The following GRIP1 variants were observed in gnomAD, a reference collection of about 807,000 sequenced individuals.
The protein encoded by GRIP1 is glutamate receptor interacting protein 1, also known as glutamate receptor-interacting protein 1.
GRIP1 carries 45 observed loss-of-function variants against 129.9 expected under a neutral mutation model. The ratio of observed to expected loss-of-function variants is 0.35; its 90% CI spans 0.27 to 0.44. The LOEUF (loss-of-function observed/expected upper bound fraction) is 0.44. Ranked by LOEUF, GRIP1 falls within the 20% of genes least tolerant of loss-of-function variation. GRIP1 has a pLI of 1.00. For missense variants in GRIP1, 1,196 were observed against 1,396.8 expected, an observed-to-expected ratio of 0.86 and a Z score of 2.29; for synonymous variants, 530 against 520.8, an observed-to-expected ratio of 1.02 and a Z score of -0.24.
At chr12:66,447,457 C>T (rs1330794484) in intron 11 of GRIP1, among the ~76,000 whole-genome samples, 1 of 152,126 alleles carries the variant, frequency 6.6e-6, no homozygotes, top group African/African-American at 2.4e-5. Context: ...ATGTTTCTAC[C>T]CTAAATCATG....
In GRIP1 at chr12:66,760,847, C is replaced by CTTT. The variant is rs758075509; in HGVS notation, c.-420+43203_-420+43205dup. ...AACTTCAAATTCTGTTAGTTAGTATCTTTTTTTTTTTTTTAATTCCCCAAA... is the reference window on the plus strand; with the variant it reads ...AACTTCAAATTCTGTTAGTTAGTATCTTTTTTTTTTTTTTTTTAATTCCCCAAA... On this transcript the variant is annotated intron_variant, in intron 1 of 4. Transcript: ENST00000538373. Among the ~76,000 whole-genome samples the CTTT allele has an allele frequency of 2.1e-5, 3 of 144,174 alleles. No individual in the cohort carries two copies. The South Asian group carries it at 6.7e-4, about 32-fold the overall frequency. 94.6% of individuals were successfully genotyped at this position (144,174 alleles called of 152,430 possible).
intron 4 of GRIP1, among the ~76,000 whole-genome samples, chr12:66,538,364 T>G (rs775437217): frequency 2.6e-5 from 4 of 151,596 alleles, no homozygotes; most frequent in Non-Finnish European, 5.9e-5. Context: ...CATGCCCGAC[T>G]AATCTTTTTT....
chr12:66,491,316 C>T (rs1420022517), intron 7 of GRIP1, among the ~76,000 whole-genome samples: 2 of 152,124 alleles, frequency 1.3e-5, no homozygotes, highest in Non-Finnish European at 2.9e-5. Flanking sequence ...TTTGCAGGGA[C>T]ATGGTTGGAG....
rs151058899 is a variant in GRIP1, at chr12:67,026,779, G to A, written c.58+42271C>T. ...ACTCCTCAGAAGCCCCAGAAAAATG[G>A]TGACCCCTTTCTTTTGAATAATATA... is the stretch of plus-strand genomic sequence containing the variant. On this transcript the variant is annotated intron_variant, in intron 1 of 1. Transcript: ENST00000643019. Among the ~76,000 whole-genome samples, 292 of 152,210 alleles carry A rather than the reference G, an allele frequency of 1.9e-3. 2 individuals are homozygous for A. The highest frequency in any genetic ancestry group is 6.3e-3 in the African/African-American group (263 of 41,528).
chr12:66,462,068 TA>T (rs2059152260), intron 9 of GRIP1, among the ~76,000 whole-genome samples: 1 of 152,204 alleles, frequency 6.6e-6, no homozygotes, highest in East Asian at 1.9e-4. Context: ...GTAGATGGTA[TA>T]AACACCCAGC....
At chr12:66,490,270 C>T (rs2060069997) in intron 7 of GRIP1, among the ~76,000 whole-genome samples, 1 of 152,106 alleles carries the variant, frequency 6.6e-6, no homozygotes, top group Admixed American at 6.5e-5. Flanking sequence ...GGTACTGGTA[C>T]AAAAACAGAC....
intron 1 of GRIP1, among the ~76,000 whole-genome samples, chr12:66,712,152 G>A (rs1319245161): frequency 5.9e-5 from 9 of 151,840 alleles, no homozygotes; most frequent in Admixed American, 5.9e-4. Flanking sequence ...CAAGAAGTTT[G>A]AATTCTGATC....
chr12:66,395,643 A>G (rs1323609088), intron 16 of GRIP1, among the ~76,000 whole-genome samples: 1 of 152,182 alleles, frequency 6.6e-6, no homozygotes, highest in Admixed American at 6.6e-5. Context: ...GAATGCAGCC[A>G]TTACCTCCAC....
intron 1 of GRIP1, among the ~76,000 whole-genome samples, chr12:66,645,142 T>C (rs2032254798): frequency 2.0e-5 from 3 of 152,346 alleles, no homozygotes; most frequent in Admixed American, 6.5e-5. Context: ...ATGAAAAATA[T>C]TGAAATACTG....
chr12:66,523,179 C>G (rs1443413537), intron 5 of GRIP1, among the ~76,000 whole-genome samples: 1 of 151,162 alleles, frequency 6.6e-6, no homozygotes, highest in Non-Finnish European at 1.5e-5. Flanking sequence ...ATACAGAGAA[C>G]ACCACAAAGA....
intron 1 of GRIP1, among the ~76,000 whole-genome samples, chr12:66,940,480 T>C (rs2041567034): frequency 6.6e-6 from 1 of 152,144 alleles, no homozygotes; most frequent in African/African-American, 2.4e-5. Context: ...AATCAGCACC[T>C]TGTAGACTGC....
chr12:66,485,552 A>T (rs991255742), intron 7 of GRIP1, among the ~76,000 whole-genome samples: 1 of 151,970 alleles, frequency 6.6e-6, no homozygotes, highest in Admixed American at 6.6e-5. Flanking sequence ...CAATGCTTAA[A>T]GGTGTTTTTT....
intron 1 of GRIP1, among the ~76,000 whole-genome samples, chr12:67,001,565 A>G (rs2042551059): frequency 6.6e-6 from 1 of 152,194 alleles, no homozygotes; most frequent in Admixed American, 6.5e-5. Context: ...TCCAAACATA[A>G]TAATCAGGAT....
chr12:66,956,939 T>C (rs547432023), intron 1 of GRIP1, among the ~76,000 whole-genome samples: 13 of 152,326 alleles, frequency 8.5e-5, no homozygotes, highest in African/African-American at 2.9e-4. Flanking sequence ...TCTGACTCAG[T>C]CAACACAGGG....
intron 4 of GRIP1, 43 bp from the exon 5 acceptor site, chr12:66,529,957 T>A (rs1362732892): frequency 8.6e-7 from 1 of 1,163,572 alleles, no homozygotes; most frequent in Non-Finnish European, 1.3e-6. Flanking sequence ...TTGTAAGTCA[T>A]CATAACATTT....
chr12:66,803,637 A>T (rs1041899879), intron 1 of GRIP1, among the ~76,000 whole-genome samples: 1 of 152,218 alleles, frequency 6.6e-6, no homozygotes, highest in Admixed American at 6.5e-5. Context: ...AGAAGTCTGT[A>T]TCAGGAGCAT....
At chr12:67,003,751 C>A (rs1028491726) in intron 1 of GRIP1, among the ~76,000 whole-genome samples, 27 of 141,364 alleles carry the variant, frequency 1.9e-4, no homozygotes, top group Non-Finnish European at 3.1e-4. Flanking sequence ...AAAATTCCTA[C>A]CATTTTCCCT....
At chr12:66,418,398 T>C (rs2057685538) in intron 15 of GRIP1, among the ~76,000 whole-genome samples, 1 of 152,112 alleles carries the variant, frequency 6.6e-6, no homozygotes. Flanking sequence ...TCTCGAGTAA[T>C]ATCCCACAAG....
At chr12:67,032,378 C>T (rs2043036295) in intron 1 of GRIP1, among the ~76,000 whole-genome samples, 1 of 152,126 alleles carries the variant, frequency 6.6e-6, no homozygotes, top group South Asian at 2.1e-4. Context: ...TGCTTCTTCC[C>T]CAACTGTCTC....
Sources: gnomAD v4.1 joint callset for allele counts (sites outside exome capture counted in the v4.1 genomes callset) on GRCh38, gnomAD v4.1.1 for gene constraint, MANE v1.5 for transcripts, NCBI Gene and HGNC (gene_info 2026-07-23, HGNC 2026-07-21) for gene names.